Variants in KCNK2 observed in about 807,000 individuals in gnomAD.
The protein encoded by KCNK2 is potassium channel subfamily K member 2.
In KCNK2, 21 loss-of-function variants were observed where a neutral mutation model predicts 40.5. The ratio of observed to expected loss-of-function variants is 0.52; its 90% CI spans 0.37 to 0.75. KCNK2 has a LOEUF of 0.75. KCNK2 is among the 30% of genes least tolerant of loss of function. The pLI is 0.00. For synonymous variants in KCNK2, 191 were observed against 202.2 expected (o/e 0.94, Z 0.47); for missense variants, 399 against 531.6 (o/e 0.75, Z 2.45).
intron 1 of KCNK2, among the ~76,000 whole-genome samples, chr1:215,050,353 C>T (rs573790162): frequency 1.9e-4 from 29 of 152,010 alleles, no homozygotes; most frequent in Non-Finnish European, 3.5e-4. Context: ...TTTCCGAACT[C>T]GAAGATTTCT....
chr1:215,162,894 T>A (rs1246705312), intron 3 of KCNK2, among the ~76,000 whole-genome samples: 1 of 151,532 alleles, frequency 6.6e-6, no homozygotes, highest in Non-Finnish European at 1.5e-5. Context: ...TTTATTAGGA[T>A]CGTCTTGGCT....
intron 2 of KCNK2, among the ~76,000 whole-genome samples, chr1:215,118,605 A>G (rs1661050382): frequency 6.6e-6 from 1 of 152,164 alleles, no homozygotes; most frequent in African/African-American, 2.4e-5. Context: ...GAAATTTGGC[A>G]AGATGATACT....
intron 2 of KCNK2, among the ~76,000 whole-genome samples, chr1:215,091,160 G>A (rs547646440): frequency 1.3e-5 from 2 of 152,294 alleles, no homozygotes; most frequent in Admixed American, 6.5e-5. Flanking sequence ...AGATACAGAA[G>A]ATGTGAAAGG....
chr1:215,199,939 G>C (rs1273365115), intron 6 of KCNK2, among the ~76,000 whole-genome samples: 1 of 151,964 alleles, frequency 6.6e-6, no homozygotes, highest in Admixed American at 6.6e-5. Flanking sequence ...TTCTTCTATC[G>C]ATGCCCAAGC....
chr1:215,122,837 C>T (rs766631129), intron 2 of KCNK2, among the ~76,000 whole-genome samples: 5 of 150,542 alleles, frequency 3.3e-5, no homozygotes, highest in East Asian at 2.0e-4. Flanking sequence ...GCTCCGTCTC[C>T]GGGTTCACAC....
intron 6 of KCNK2, among the ~76,000 whole-genome samples, chr1:215,232,666 C>A (rs898214817): frequency 3.3e-4 from 50 of 152,246 alleles, no homozygotes; most frequent in African/African-American, 1.1e-3. Flanking sequence ...TTTTGATGCA[C>A]AAAGCCTATT....
intron 3 of KCNK2, 50 bp from the exon 4 acceptor site, chr1:215,169,149 A>G (rs372463542): frequency 6.6e-5 from 95 of 1,445,776 alleles, no homozygotes; most frequent in Middle Eastern, 1.8e-4. Flanking sequence ...TTGAGTTCAT[A>G]TGTTTTAAAC....
chr1:215,231,599 TG>T lies in KCNK2; in HGVS notation c.964-3227del, dbSNP rs1278537031. On this transcript the variant is annotated intron_variant, in intron 6 of 6. Transcript: ENST00000444842. ...TACCCTAAGACACACAATGAATATG[TG>T]GTGGAGCCAGAATTCAAACTTAGAG... is the stretch of plus-strand genomic sequence containing the variant. Among the ~76,000 whole-genome samples the T allele has an allele frequency of 2.0e-5, 3 of 152,310 alleles. No homozygotes were observed. In the East Asian group the frequency reaches 5.8e-4, roughly 29 times the overall value.
Position 215,235,728 on chromosome 1 carries a change from T to A in KCNK2, c.*583T>A, listed in dbSNP as rs1666855387. Reference sequence around the variant, plus strand: ...AGTCTTTTACCCCAGTTCTCCCATTTGAATACCATACCTTGCTGGAAACAG... The same window carrying A: ...AGTCTTTTACCCCAGTTCTCCCATTAGAATACCATACCTTGCTGGAAACAG... On this transcript the variant is annotated 3_prime_UTR_variant, in exon 7 of 7. Coordinates refer to ENST00000444842, the MANE Select transcript of KCNK2 (RefSeq NM_001017425.3). 1 of 152,682 alleles carries A rather than the reference T, an allele frequency of 6.5e-6. No individual in the cohort carries two copies. Among genetic ancestry groups the A allele is most frequent in the African/African-American group, 2.4e-5 (1 of 41,424 alleles). 9.5% of individuals were successfully genotyped at this position (152,682 alleles called of 1,614,324 possible).
At chr1:215,148,140 T>A (rs1483870838) in intron 3 of KCNK2, among the ~76,000 whole-genome samples, 1 of 136,242 alleles carries the variant, frequency 7.3e-6, no homozygotes, top group African/African-American at 2.8e-5. Flanking sequence ...GATGCAGTGG[T>A]GTGATCATGG....
upstream of KCNK2, among the ~76,000 whole-genome samples, chr1:215,079,825 A>C (rs1358187191): frequency 2.0e-5 from 3 of 152,194 alleles, no homozygotes; most frequent in Non-Finnish European, 4.4e-5. Flanking sequence ...TTGGAACAAG[A>C]GGGCTTTTAA....
intron 3 of KCNK2, among the ~76,000 whole-genome samples, chr1:215,129,190 C>G (rs548126941): frequency 6.6e-6 from 1 of 152,142 alleles, no homozygotes; most frequent in Non-Finnish European, 1.5e-5. Flanking sequence ...ATTTAGGCAG[C>G]AGTCTTGTAA....
At chr1:215,073,495 A>G (rs1193025289) in intron 1 of KCNK2, among the ~76,000 whole-genome samples, 1 of 152,142 alleles carries the variant, frequency 6.6e-6, no homozygotes, top group African/African-American at 2.4e-5. Flanking sequence ...CTGAGGTCCG[A>G]AGGATAAATA....
At chr1:215,184,769 C>T (rs987104984) in intron 5 of KCNK2, among the ~76,000 whole-genome samples, 3 of 152,016 alleles carry the variant, frequency 2.0e-5, no homozygotes, top group East Asian at 3.9e-4. Flanking sequence ...ATGGGAACTA[C>T]AATTCAAGAT....
At position 215,083,233 on chromosome 1, in the gene KCNK2, C is replaced by A; in HGVS notation, c.-153C>A. ...CCTCCCGCGTCCAGCCCCGCTCTCC[C>A]CACCTTGTAAAACAAAGCCGGGGAA... On this transcript the variant is annotated 5_prime_UTR_variant, in exon 1 of 7. Coordinates refer to ENST00000444842, the MANE Select transcript of KCNK2 (RefSeq NM_001017425.3). 1.2e-6 allele frequency: 2 copies of A among 1,607,406 alleles called. No individual in the cohort carries two copies. The highest frequency in any genetic ancestry group is 8.5e-7 in the Non-Finnish European group (1 of 1,177,160).
chr1:215,169,333 A>G lies in KCNK2; in HGVS notation c.610A>G (p.Ile204Val). ...GCTAGGCACCATATTTGGAAAAGGA[A>G]TTGCCAAAGTGGAAGATACGTTTAT... ...DQLGTIFGKGIAKVEDTFIKW... is the reference protein window; with the variant it reads ...DQLGTIFGKGVAKVEDTFIKW... Residue 204 changes from isoleucine to valine, a missense_variant, in exon 4 of 7, where the codon ATT becomes GTT. By Grantham distance (29) the Ile-to-Val change is conservative (BLOSUM62 3). This residue lies in a region of KCNK2 where 279 missense variants were observed against 353.8 expected (regional missense o/e 0.79). Coordinates refer to ENST00000444842, the MANE Select transcript of KCNK2 (RefSeq NM_001017425.3). The G allele has an allele frequency of 6.2e-7, 1 of 1,612,426 alleles. No individual in the cohort carries two copies. The highest frequency in any genetic ancestry group is 8.5e-7 in the Non-Finnish European group (1 of 1,179,214).
At chr1:215,031,711 T>G (rs1260552249) in intron 1 of KCNK2, among the ~76,000 whole-genome samples, 2 of 152,218 alleles carry the variant, frequency 1.3e-5, no homozygotes, top group Admixed American at 6.5e-5. Context: ...AAATTCCACT[T>G]GTTCATTACT....
chr1:215,167,597 T>G (rs771091976), intron 3 of KCNK2, among the ~76,000 whole-genome samples: 5 of 152,280 alleles, frequency 3.3e-5, no homozygotes, highest in Non-Finnish European at 7.4e-5. Flanking sequence ...GGCTTTAAGA[T>G]CTTTAAAACT....
chr1:215,086,797 A>C, intron 2 of KCNK2, 119 bp downstream of exon 2: 1 of 831,948 alleles, frequency 1.2e-6, no homozygotes, highest in Non-Finnish European at 1.9e-6. Flanking sequence ...ATCCCACCTC[A>C]TTTGCCTTAA....
Sources: allele counts gnomAD v4.1 joint callset (sites outside exome capture counted in the v4.1 genomes callset), GRCh38; gene constraint gnomAD v4.1.1; regional missense constraint gnomAD v4.1.1; transcripts MANE v1.5; gene names NCBI Gene and HGNC (gene_info 2026-07-23, HGNC 2026-07-21).